The following PSMA1 variants were observed in gnomAD, a reference collection of about 807,000 sequenced individuals.
The protein encoded by PSMA1 is proteasome subunit alpha type-1.
Under a neutral mutation model 38.4 loss-of-function variants are expected in PSMA1, and 3 were observed. The observed-to-expected ratio is 0.08, with a 90% CI of 0.04 to 0.20. PSMA1 has a LOEUF of 0.20. Ranked by LOEUF, PSMA1 falls within the 10% of genes least tolerant of loss-of-function variation. The pLI is 1.00. For synonymous variants in PSMA1, 101 were observed against 107.1 expected, an observed-to-expected ratio of 0.94 and a Z score of 0.35; for missense variants, 227 against 325.3, an observed-to-expected ratio of 0.70 and a Z score of 2.32.
At chr11:14,513,980 C>CT in intron 5 of PSMA1, 93 bp from the exon 6 acceptor site, 1 of 1,402,492 alleles carries the variant, frequency 7.1e-7, no homozygotes, top group Non-Finnish European at 9.3e-7. Context: ...CTGGCTTATT[C>CT]TTTAATTGTT....
chr11:14,515,270 T>C (rs1022880661), intron 4 of PSMA1, among the ~76,000 whole-genome samples: 4 of 152,188 alleles, frequency 2.6e-5, no homozygotes, highest in Non-Finnish European at 5.9e-5. Flanking sequence ...AATAATCACA[T>C]GTGGCTATGG....
At chr11:14,633,856 GTC>G (rs1853073240) in intron 1 of PSMA1, among the ~76,000 whole-genome samples, 3 of 152,146 alleles carry the variant, frequency 2.0e-5, no homozygotes, top group Non-Finnish European at 4.4e-5. Context: ...CGTTTTTTAA[GTC>G]CGTCGGAAAA....
chr11:14,526,609 T>TC (rs755039582), intron 2 of PSMA1, among the ~76,000 whole-genome samples: 26 of 152,240 alleles, frequency 1.7e-4, no homozygotes, highest in Admixed American at 4.6e-4. Context: ...TACTTTCTGC[T>TC]CCCCAGATCC....
intron 2 of PSMA1, among the ~76,000 whole-genome samples, chr11:14,588,202 A>C (rs1275724735): frequency 6.6e-6 from 1 of 152,220 alleles, no homozygotes; most frequent in Admixed American, 6.5e-5. Context: ...AAACTTCAGA[A>C]AGGAATAGGC....
At chr11:14,599,854 T>C (rs375941430) in intron 2 of PSMA1, among the ~76,000 whole-genome samples, 2 of 152,238 alleles carry the variant, frequency 1.3e-5, no homozygotes, top group African/African-American at 4.8e-5. Context: ...TTTTCTGCTC[T>C]GGTTTCTCCC....
chr11:14,530,507 G>C (rs1382155282), intron 2 of PSMA1, among the ~76,000 whole-genome samples: 2 of 152,084 alleles, frequency 1.3e-5, no homozygotes, highest in Admixed American at 6.6e-5. Flanking sequence ...TTCATATGTT[G>C]TCCTCACATT....
chr11:14,557,960 A>G (rs1338178760), intron 2 of PSMA1, among the ~76,000 whole-genome samples: 1 of 152,198 alleles, frequency 6.6e-6, no homozygotes, highest in Non-Finnish European at 1.5e-5. Flanking sequence ...TCCTTCTTTC[A>G]GCTTTCTCTG....
intron 6 of PSMA1, 31 bp from the exon 7 acceptor site, chr11:14,513,730 T>G: frequency 6.4e-7 from 1 of 1,555,774 alleles, no homozygotes; most frequent in Non-Finnish European, 8.6e-7. Flanking sequence ...ACCACATAAT[T>G]ATTTACTTTG....
intron 2 of PSMA1, among the ~76,000 whole-genome samples, chr11:14,560,629 C>T (rs768930822): frequency 6.6e-6 from 1 of 152,162 alleles, no homozygotes; most frequent in Admixed American, 6.5e-5. Flanking sequence ...TCACTGTGAG[C>T]GATGGTAAGC....
chr11:14,616,418 G>C (rs1396303125), intron 1 of PSMA1, among the ~76,000 whole-genome samples: 1 of 151,772 alleles, frequency 6.6e-6, no homozygotes, highest in Non-Finnish European at 1.5e-5. Flanking sequence ...TTTTAGTAGG[G>C]ATGGAGGTCT....
chr11:14,509,591 G>T (rs554456197), intron 8 of PSMA1, among the ~76,000 whole-genome samples: 1 of 151,618 alleles, frequency 6.6e-6, no homozygotes, highest in South Asian at 2.1e-4. Flanking sequence ...AATAGAGACA[G>T]GGTTTCATCG....
Position 14,582,562 on chromosome 11 carries a change from C to G in PSMA1, c.21+28404G>C, listed in dbSNP as rs146681945. ...GAGATGGAGTCTCACTCTATCACCA[C>G]GCTGGAGTATAGTGGCGCCATCTTG... On this transcript the variant is annotated intron_variant, in intron 2 of 10. Coordinates refer to the PSMA1 transcript ENST00000418988. Among the ~76,000 whole-genome samples, 110 of 152,254 alleles carry G rather than the reference C, an allele frequency of 7.2e-4. 2 individuals are homozygous for G. The East Asian group carries it at 0.018, about 25-fold the overall frequency.
intron 1 of PSMA1, 41 bp from the exon 2 acceptor site, chr11:14,519,082 T>C (rs1449940957): frequency 5.6e-6 from 8 of 1,436,882 alleles, no homozygotes; most frequent in Non-Finnish European, 5.8e-6. Context: ...TAGAAGAACA[T>C]TTCAAATCCC....
chr11:14,632,178 T>C (rs1397090394), intron 1 of PSMA1, among the ~76,000 whole-genome samples: 1 of 145,968 alleles, frequency 6.9e-6, no homozygotes, highest in Middle Eastern at 3.2e-3. Flanking sequence ...TTAAAGTTAA[T>C]ATTGTTATGT....
chr11:14,521,335 A>AAT (rs1255324823), upstream of PSMA1, among the ~76,000 whole-genome samples: 13 of 148,650 alleles, frequency 8.7e-5, no homozygotes, highest in African/African-American at 3.2e-4. Context: ...TAAGAATAAT[A>AAT]AAAAAAAAAG....
chr11:14,634,713 A>T (rs1853089796), intron 1 of PSMA1, among the ~76,000 whole-genome samples: 1 of 152,242 alleles, frequency 6.6e-6, no homozygotes. Flanking sequence ...GTAGTATACA[A>T]GAAAATTTGA....
chr11:14,614,935 G>A (rs868483398), intron 1 of PSMA1, among the ~76,000 whole-genome samples: 18 of 152,092 alleles, frequency 1.2e-4, no homozygotes, highest in African/African-American at 3.6e-4. Context: ...GTTTCTGAGC[G>A]GATCCTCATT....
intron 1 of PSMA1, among the ~76,000 whole-genome samples, chr11:14,626,937 C>A (rs1313700007): frequency 6.6e-6 from 1 of 152,148 alleles, no homozygotes; most frequent in East Asian, 1.9e-4. Context: ...GATCACAGTT[C>A]TGGAGGCTAG....
At chr11:14,638,031 A>G (rs1469947789) in intron 1 of PSMA1, among the ~76,000 whole-genome samples, 1 of 152,238 alleles carries the variant, frequency 6.6e-6, no homozygotes, top group Non-Finnish European at 1.5e-5. Context: ...ACTCATTGTT[A>G]GTTACCTTAC....
Sources: gnomAD v4.1 joint callset for allele counts (sites outside exome capture counted in the v4.1 genomes callset) on GRCh38, gnomAD v4.1.1 for gene constraint, MANE v1.5 for transcripts, NCBI Gene and HGNC (gene_info 2026-07-23, HGNC 2026-07-21) for gene names.